DPP6: variants seen among roughly 807,000 people sequenced by gnomAD.
DPP6 encodes the protein A-type potassium channel modulatory protein DPP6.
Under a neutral mutation model 122.6 loss-of-function variants are expected in DPP6, and 69 were observed. The observed-to-expected ratio is 0.56, with a 90% CI of 0.46 to 0.69. The LOEUF is 0.69. DPP6 is among the 30% of genes least tolerant of loss of function. DPP6 has a pLI of 0.00. For synonymous variants in DPP6, 418 were observed against 433.1 expected (o/e 0.97, Z 0.43); for missense variants, 928 against 1,116.9 (o/e 0.83, Z 2.41).
At chr7:154,305,336 A>AGGGC in intron 1 of DPP6, 21 of 362,124 alleles carry the variant, frequency 5.8e-5, no homozygotes, top group Non-Finnish European at 7.1e-5. Flanking sequence ...CGTCTTGTCT[A>AGGGC]CCCACCCTCC....
At chr7:154,840,630 T>C (rs1224949320) in intron 16 of DPP6, among the ~76,000 whole-genome samples, 1 of 152,234 alleles carries the variant, frequency 6.6e-6, no homozygotes, top group Non-Finnish European at 1.5e-5. Context: ...CTTGTAAAAC[T>C]GTTTTTACGT....
rs77721772 is a variant in DPP6 at position 154,314,948 on chromosome 7, G to A, written c.244-131266G>A. ...CCTCCAGGTAAATCAAACCTACTGC[G>A]GTTTTTCCTCTTCACATCTCATGGA... On this transcript the variant is annotated intron_variant, in intron 1 of 25. Transcript: ENST00000377770. Among the ~76,000 whole-genome samples, 950 of 152,234 alleles carry A rather than the reference G, an allele frequency of 6.2e-3. 20 individuals are homozygous for A. Among genetic ancestry groups the A allele is most frequent in the East Asian group, 0.062 (321 of 5,178 alleles).
chr7:154,053,660 G>C (rs1382780055), intron 1 of DPP6, among the ~76,000 whole-genome samples: 1 of 152,050 alleles, frequency 6.6e-6, no homozygotes, highest in Non-Finnish European at 1.5e-5. Flanking sequence ...CAAAATACTG[G>C]CATCTGAGCC....
At position 154,664,555 on chromosome 7, in the gene DPP6, CT is replaced by C. The variant is rs140034907; in HGVS notation, c.681-4802del. Among the ~76,000 whole-genome samples, 342 of 152,032 alleles carry C rather than the reference CT, an allele frequency of 2.2e-3. 15 individuals carry two copies. In the East Asian group the frequency reaches 0.05, roughly 22 times the overall value. On this transcript the variant is annotated intron_variant, in intron 6 of 25. Coordinates refer to ENST00000377770, the MANE Select transcript of DPP6 (RefSeq NM_130797.4). ...CTTGTCTCTAAACTTTCAAAAGGAT[CT>C]TTGCTGAGAGCCACCTCTCGAACCT...
At chr7:154,665,898 T>C (rs1315482031) in intron 6 of DPP6, among the ~76,000 whole-genome samples, 2 of 152,042 alleles carry the variant, frequency 1.3e-5, no homozygotes, top group Non-Finnish European at 2.9e-5. Flanking sequence ...ATCTCCAATA[T>C]ATTTACATAT....
intron 1 of DPP6, among the ~76,000 whole-genome samples, chr7:154,316,866 C>T (rs1487611812): frequency 2.0e-5 from 3 of 152,188 alleles, no homozygotes; most frequent in Non-Finnish European, 4.4e-5. Flanking sequence ...GAGCACCAGC[C>T]TGGGATTCAG....
chr7:154,893,265 G>A lies in DPP6; in HGVS notation c.*785G>A. 4.0e-6 allele frequency: 1 copy of A among 252,350 alleles called. No individual in the cohort carries two copies. 15.6% of individuals were successfully genotyped at this position (252,350 alleles called of 1,614,324 possible). A position where few individuals can be genotyped will look rare whatever the true frequency, so the allele number is the denominator to read the frequency against. The stretch of plus-strand genomic sequence containing the variant: ...GGTTGTCTTCAGACGTCTTGGGGAC[G>A]TTCCTAAACACTGAGGGGGAAGACA... On this transcript the variant is annotated 3_prime_UTR_variant, in exon 26 of 26. Transcript: ENST00000377770.
intron 8 of DPP6, among the ~76,000 whole-genome samples, chr7:154,751,609 CAAAAAAA>C (rs11339562): frequency 2.3e-5 from 2 of 87,388 alleles, no homozygotes; most frequent in African/African-American, 8.2e-5. Context: ...GACTCTGTCT[CAAAAAAA>C]AAAAAAAAAA....
At chr7:153,776,707 A>G in the DPP6 span, among the ~76,000 whole-genome samples, 1 of 152,216 alleles carries the variant, frequency 6.6e-6, no homozygotes, top group Non-Finnish European at 1.5e-5. Context: ...AGTCTTTCCA[A>G]CAAATGGTGC....
chr7:153,808,125 C>T, the DPP6 span, among the ~76,000 whole-genome samples: 87 of 152,220 alleles, frequency 5.7e-4, 1 homozygote, highest in African/African-American at 2.0e-3. Context: ...TTGATAAACA[C>T]ATTGTGAAAT....
At chr7:154,376,849 T>C (rs563733987) in intron 1 of DPP6, among the ~76,000 whole-genome samples, 7 of 152,290 alleles carry the variant, frequency 4.6e-5, no homozygotes, top group Non-Finnish European at 7.3e-5. Flanking sequence ...CTGGGGAATT[T>C]TTCTCGTCTA....
At chr7:154,301,898 A>G (rs1299986764) in intron 1 of DPP6, among the ~76,000 whole-genome samples, 1 of 142,806 alleles carries the variant, frequency 7.0e-6, no homozygotes, top group Non-Finnish European at 1.5e-5. Flanking sequence ...GCTCACTGCA[A>G]CCTCCACCTC....
intron 1 of DPP6, among the ~76,000 whole-genome samples, chr7:153,957,638 A>G (rs1802521618): frequency 6.6e-6 from 1 of 152,200 alleles, no homozygotes; most frequent in South Asian, 2.1e-4. Context: ...AGTACCAGCC[A>G]ACACTGAAAC....
rs984843673 is a variant in DPP6, at chr7:154,483,655, C to T, written c.457+8618C>T. ...AAGTTTCACTTTTCTTTAATATAGG[C>T]ATTTATGAGAAAAAGCCCAGGTGAA... is the stretch of plus-strand genomic sequence containing the variant. On this transcript the variant is annotated intron_variant, in intron 3 of 25. Transcript: ENST00000377770. This position sits in a 1 kb window ranked among gnomAD's most constrained non-coding sequence, Gnocchi z 8.1. Among the ~76,000 whole-genome samples the T allele has an allele frequency of 8.5e-5, 13 of 152,178 alleles. No individual in the cohort carries two copies. Among genetic ancestry groups the T allele is most frequent in the African/African-American group, 2.9e-4 (12 of 41,448 alleles).
At chr7:154,537,686 G>A (rs193240268) in intron 3 of DPP6, among the ~76,000 whole-genome samples, 36 of 145,668 alleles carry the variant, frequency 2.5e-4, no homozygotes, top group East Asian at 2.1e-3. Context: ...GTGAAACTCC[G>A]TCAAAAAAAT....
chr7:154,196,910 T>C (rs920360105), intron 1 of DPP6, among the ~76,000 whole-genome samples: 3 of 152,030 alleles, frequency 2.0e-5, no homozygotes, highest in Admixed American at 6.6e-5. Flanking sequence ...CTAATAAGCG[T>C]ATGTGTTCCT....
At chr7:154,016,366 A>G (rs1438946637) in intron 1 of DPP6, among the ~76,000 whole-genome samples, 2 of 151,714 alleles carry the variant, frequency 1.3e-5, no homozygotes, top group Non-Finnish European at 2.9e-5. Flanking sequence ...AACAATTTTA[A>G]AAATGGAAAC....
In DPP6 at chr7:154,760,387, C is replaced by T. The variant is rs554805175; in HGVS notation, c.884-9030C>T. ...AAATTCAGTCCATGACATCAGCAAGCTCATTCTGCACAGACCCCAGTTGAC... is the reference window on the plus strand; with the variant it reads ...AAATTCAGTCCATGACATCAGCAAGTTCATTCTGCACAGACCCCAGTTGAC... On this transcript the variant is annotated intron_variant, in intron 8 of 25. Transcript: ENST00000377770. The surrounding 1 kb of genome is among the most constrained non-coding windows in gnomAD (Gnocchi z 4.5). 2.9e-4 allele frequency among the ~76,000 whole-genome samples: 44 copies of T among 152,116 alleles called. No homozygotes were observed. Among genetic ancestry groups the T allele is most frequent in the South Asian group, 6.2e-4 (3 of 4,802 alleles).
chr7:154,279,186 T>C (rs1444873985), intron 1 of DPP6, among the ~76,000 whole-genome samples: 2 of 152,004 alleles, frequency 1.3e-5, no homozygotes, highest in African/African-American at 4.8e-5. Flanking sequence ...CATATGTATA[T>C]GGACATGTGT....
Sources: allele counts gnomAD v4.1 joint callset (sites outside exome capture counted in the v4.1 genomes callset), GRCh38; gene constraint gnomAD v4.1.1; non-coding constraint Gnocchi (gnomAD v3.1); transcripts MANE v1.5; gene names NCBI Gene and HGNC (gene_info 2026-07-23, HGNC 2026-07-21).